Variants in CCSER1 observed in about 807,000 individuals in gnomAD.
The protein encoded by CCSER1 is serine-rich coiled-coil domain-containing protein 1.
CCSER1 carries 41 observed loss-of-function variants against 82.0 expected under a neutral mutation model. The ratio of observed to expected loss-of-function variants is 0.50; its 90% CI spans 0.39 to 0.65. CCSER1 has a LOEUF of 0.65. Ranked by LOEUF, CCSER1 falls within the 30% of genes least tolerant of loss-of-function variation. The pLI, the probability that CCSER1 is intolerant of heterozygous loss-of-function variation, is 0.00. For missense variants in CCSER1, 1,119 were observed against 1,064.2 expected, an observed-to-expected ratio of 1.05 and a Z score of -0.72; for synonymous variants, 414 against 383.9, an observed-to-expected ratio of 1.08 and a Z score of -0.92.
At chr4:91,237,027 A>G (rs1216666936) in intron 10 of CCSER1, among the ~76,000 whole-genome samples, 3 of 152,200 alleles carry the variant, frequency 2.0e-5, no homozygotes, top group Non-Finnish European at 2.9e-5. Context: ...TTGGACCTAA[A>G]CATACTATTC....
intron 6 of CCSER1, among the ~76,000 whole-genome samples, chr4:90,674,455 G>A (rs971778560): frequency 1.1e-4 from 16 of 151,872 alleles, no homozygotes; most frequent in African/African-American, 3.9e-4. Flanking sequence ...AAAAGCAGAT[G>A]GAGAAGTGTA....
intron 7 of CCSER1, among the ~76,000 whole-genome samples, chr4:90,789,569 A>G (rs570669863): frequency 4.0e-5 from 6 of 151,740 alleles, no homozygotes. Context: ...CACTTCCCAC[A>G]TGTCTTTGGA....
intron 10 of CCSER1, among the ~76,000 whole-genome samples, chr4:91,146,612 G>C (rs552770754): frequency 9.3e-5 from 14 of 150,774 alleles, no homozygotes; most frequent in Non-Finnish European, 1.8e-4. Context: ...TGTTTGTATA[G>C]GGCTTTTGTT....
At chr4:91,400,506 A>G (rs1420247897) in intron 10 of CCSER1, among the ~76,000 whole-genome samples, 2 of 149,486 alleles carry the variant, frequency 1.3e-5, no homozygotes, top group African/African-American at 2.5e-5. Context: ...TAATTTGTCC[A>G]TATATTATTG....
chr4:91,593,013 A>G (rs1378241187), intron 10 of CCSER1, among the ~76,000 whole-genome samples: 6 of 152,196 alleles, frequency 3.9e-5, no homozygotes, highest in Non-Finnish European at 1.5e-5. Flanking sequence ...ATAAAACATT[A>G]TTAAACGTTC....
At chr4:90,718,646 A>G (rs543680966) in intron 6 of CCSER1, among the ~76,000 whole-genome samples, 1 of 152,306 alleles carries the variant, frequency 6.6e-6, no homozygotes, top group African/African-American at 2.4e-5. Context: ...GCATCTCAAT[A>G]AAATGATCTG....
intron 10 of CCSER1, among the ~76,000 whole-genome samples, chr4:91,298,934 G>T (rs1186975556): frequency 2.0e-5 from 3 of 151,948 alleles, no homozygotes; most frequent in African/African-American, 7.2e-5. Flanking sequence ...GTGGTGTCTA[G>T]ACGAGCAGCA....
intron 8 of CCSER1, among the ~76,000 whole-genome samples, chr4:90,842,027 G>GT (rs33944172): frequency 1.9e-3 from 283 of 150,086 alleles, no homozygotes; most frequent in Admixed American, 4.4e-3. Context: ...TGATTTCTCT[G>GT]TTTTTTTTTT....
rs144553885 is a variant in CCSER1 at position 91,086,353 on chromosome 4, T to A, written c.2217+359T>A. 7.9e-3 allele frequency among the ~76,000 whole-genome samples: 1,203 copies of A among 152,212 alleles called. 16 individuals are homozygous for A. Among genetic ancestry groups the A allele is most frequent in the African/African-American group, 0.026 (1,079 of 41,570 alleles). On this transcript the variant is annotated intron_variant, in intron 10 of 10. Coordinates refer to ENST00000509176, the MANE Select transcript of CCSER1 (RefSeq NM_001145065.2). ...TGAGAAGTTAACAAAATTCTAACAA[T>A]GCAAATATTTTATGACATTTGGGAT...
intron 5 of CCSER1, among the ~76,000 whole-genome samples, chr4:90,500,866 T>A (rs563540455): frequency 4.5e-4 from 68 of 152,244 alleles, no homozygotes; most frequent in Non-Finnish European, 7.6e-4. Flanking sequence ...AGAGTTTTAT[T>A]ATTTTTCTAA....
chr4:90,777,136 A>T (rs2149590913), intron 7 of CCSER1, among the ~76,000 whole-genome samples: 1 of 152,058 alleles, frequency 6.6e-6, no homozygotes, highest in East Asian at 1.9e-4. Flanking sequence ...CGGGTGGATC[A>T]CCTGAGGGTC....
intron 7 of CCSER1, among the ~76,000 whole-genome samples, chr4:90,813,304 A>C (rs555549752): frequency 6.6e-6 from 1 of 152,344 alleles, no homozygotes; most frequent in East Asian, 1.9e-4. Context: ...TTAAAGCTCC[A>C]AAATCTCATT....
intron 10 of CCSER1, among the ~76,000 whole-genome samples, chr4:91,308,814 G>C (rs1302294637): frequency 1.3e-5 from 2 of 151,830 alleles, no homozygotes; most frequent in Non-Finnish European, 2.9e-5. Context: ...GGAAATATTT[G>C]GGAGCCCTAG....
chr4:90,510,517 A>G (rs1332573574), intron 5 of CCSER1, among the ~76,000 whole-genome samples: 2 of 152,250 alleles, frequency 1.3e-5, no homozygotes, highest in African/African-American at 2.4e-5. Context: ...CAAAGAAATG[A>G]GAAGTTATAA....
intron 5 of CCSER1, among the ~76,000 whole-genome samples, chr4:90,493,561 TC>T (rs1394462473): frequency 6.6e-6 from 1 of 152,184 alleles, no homozygotes; most frequent in African/African-American, 2.4e-5. Context: ...TAACAGCTGA[TC>T]TCTTGCTAGA....
intron 8 of CCSER1, among the ~76,000 whole-genome samples, chr4:90,874,623 C>T (rs1273065331): frequency 3.9e-5 from 6 of 152,110 alleles, no homozygotes; most frequent in East Asian, 3.9e-4. Context: ...TCACAAAAAA[C>T]GAATTCAACA....
At chr4:90,713,356 AGCATTTGTTT>A (rs750945056) in intron 6 of CCSER1, among the ~76,000 whole-genome samples, 52 of 152,094 alleles carry the variant, frequency 3.4e-4, no homozygotes, top group Non-Finnish European at 5.6e-4. Context: ...GAATTCCCTA[AGCATTTGTTT>A]GTTTGAAAAT....
At chr4:90,665,170 AG>A (rs1731497207) in intron 6 of CCSER1, among the ~76,000 whole-genome samples, 1 of 152,128 alleles carries the variant, frequency 6.6e-6, no homozygotes, top group Non-Finnish European at 1.5e-5. Context: ...TATCTATAGT[AG>A]GGGTCCTTGC....
At chr4:91,367,171 G>A (rs67891141) in intron 10 of CCSER1, among the ~76,000 whole-genome samples, 9,390 of 146,970 alleles carry the variant, frequency 0.064, 1,050 homozygotes, top group African/African-American at 0.23. Context: ...TGCAAAGTTC[G>A]CTTGTTATGG....
Sources: gnomAD v4.1 joint callset for allele counts (sites outside exome capture counted in the v4.1 genomes callset) on GRCh38, gnomAD v4.1.1 for gene constraint, MANE v1.5 for transcripts, NCBI Gene and HGNC (gene_info 2026-07-23, HGNC 2026-07-21) for gene names.